The following COL19A1 variants were observed in gnomAD, a reference collection of about 807,000 sequenced individuals.
COL19A1 encodes collagen type XIX alpha 1 chain.
In COL19A1, 159 loss-of-function variants were observed where a neutral mutation model predicts 190.2. That is an observed-to-expected ratio of 0.84 (90% CI 0.73 to 0.95). The LOEUF (loss-of-function observed/expected upper bound fraction) is 0.95, where lower values mean the gene tolerates loss of function less well. Ranked by LOEUF, COL19A1 falls within the 40% of genes least tolerant of loss-of-function variation. The pLI is 0.00. For missense variants in COL19A1, 1,418 were observed against 1,431.9 expected (o/e 0.99, Z 0.16); for synonymous variants, 509 against 458.9 (o/e 1.11, Z -1.39).
At chr6:69,993,689 T>C (rs1473133867) in intron 11 of COL19A1, among the ~76,000 whole-genome samples, 1 of 151,956 alleles carries the variant, frequency 6.6e-6, no homozygotes, top group Non-Finnish European at 1.5e-5. Context: ...TCTTGGGAGG[T>C]TGTCTGTTTC....
chr6:69,913,550 A>G lies in COL19A1; in HGVS notation c.266+13212A>G, dbSNP rs553674926. On this transcript the variant is annotated intron_variant, in intron 4 of 50. Transcript: ENST00000620364. ...AAGTGTGAATTTACCAGGTGAGCCA[A>G]GGGGTCAATGTATGTTGTGGTAGTT... 1.1e-4 allele frequency among the ~76,000 whole-genome samples: 17 copies of G among 152,326 alleles called. 1 individual carries two copies. In the South Asian group the frequency reaches 3.3e-3, roughly 30 times the overall value.
intron 35 of COL19A1, 129 bp from the exon 36 acceptor site, chr6:70,163,207 GAAACATA>G (rs1478366786): frequency 1.3e-6 from 1 of 752,890 alleles, no homozygotes; most frequent in Non-Finnish European, 2.2e-6. Context: ...TCAGCCAGAA[GAAACATA>G]AGCTTCTAGG....
intron 9 of COL19A1, among the ~76,000 whole-genome samples, chr6:69,954,303 A>G (rs117298045): frequency 0.02 from 3,070 of 152,082 alleles, 49 homozygotes; most frequent in Non-Finnish European, 0.03. Flanking sequence ...GAGTAGAAGG[A>G]CTTGGGGTCT....
chr6:70,211,444 A>C lies in COL19A1; in HGVS notation c.*4170A>C, dbSNP rs1171444915. ...TCGCAGTTTCCCAGCGTTATTTCTT[A>C]ATACTTGAGTGTTGACACATTTTTG... On this transcript the variant is annotated 3_prime_UTR_variant, in exon 51 of 51. Coordinates refer to ENST00000620364, the MANE Select transcript of COL19A1 (RefSeq NM_001858.6). 6.6e-6 allele frequency among the ~76,000 whole-genome samples: 1 copy of C among 151,488 alleles called. No individual in the cohort carries two copies. Among genetic ancestry groups the C allele is most frequent in the African/African-American group, 2.4e-5 (1 of 41,164 alleles).
chr6:70,152,514 A>G (rs1205701832), intron 31 of COL19A1, among the ~76,000 whole-genome samples: 1 of 152,154 alleles, frequency 6.6e-6, no homozygotes, highest in African/African-American at 2.4e-5. Context: ...TATAAGCCAG[A>G]GAAGAATATT....
At chr6:69,962,372 T>A (rs1774855442) in intron 10 of COL19A1, among the ~76,000 whole-genome samples, 1 of 152,188 alleles carries the variant, frequency 6.6e-6, no homozygotes, top group African/African-American at 2.4e-5. Flanking sequence ...CTGAACTCAT[T>A]CATCATAAGA....
intron 37 of COL19A1, among the ~76,000 whole-genome samples, chr6:70,166,206 CCATCTTGGATTT>C (rs1765144857): frequency 6.6e-6 from 1 of 152,122 alleles, no homozygotes; most frequent in Non-Finnish European, 1.5e-5. Context: ...GCGGGTCTCC[CCATCTTGGATTT>C]AGGAATCTGG....
chr6:70,109,283 A>G (rs1420009499), intron 16 of COL19A1, among the ~76,000 whole-genome samples: 1 of 152,144 alleles, frequency 6.6e-6, no homozygotes, highest in Non-Finnish European at 1.5e-5. Context: ...ACATTCCTTG[A>G]GAAGGAGCTG....
intron 44 of COL19A1, 126 bp downstream of exon 44, chr6:70,180,649 G>C: frequency 1.0e-6 from 1 of 980,140 alleles, no homozygotes; most frequent in South Asian, 1.5e-5. Flanking sequence ...AGAATGCACA[G>C]ATGGATTTTT....
At position 70,150,041 on chromosome 6, in the gene COL19A1, A is replaced by G; in HGVS notation, c.2033A>G (p.Asp678Gly). 6.2e-7 allele frequency: 1 copy of G among 1,613,670 alleles called. No homozygotes were observed. The highest frequency in any genetic ancestry group is 8.5e-7 in the Non-Finnish European group (1 of 1,179,806). Reference protein sequence around the residue: ...GKPGLPGPPGDPIALPLLGDI... With the variant: ...GKPGLPGPPGGPIALPLLGDI... ...CCAGGCCTGCCAGGCCCCCCAGGTG[A>G]CCCGGTATGTAGACAAACCTTGTCT... Residue 678 changes from aspartate to glycine, a missense_variant, in exon 30 of 51, where the codon GAC (aspartate) becomes GGC (glycine). Physicochemically the swap from Asp to Gly is moderately conservative, Grantham distance 94 (BLOSUM62 -1). Coordinates refer to ENST00000620364, the MANE Select transcript of COL19A1 (RefSeq NM_001858.6).
chr6:70,103,484 C>T (rs1362086152), intron 16 of COL19A1, among the ~76,000 whole-genome samples: 1 of 152,046 alleles, frequency 6.6e-6, no homozygotes, highest in Non-Finnish European at 1.5e-5. Context: ...CTTTTTTCTT[C>T]AAGAAAGATG....
intron 29 of COL19A1, 38 bp downstream of exon 29, chr6:70,149,942 C>G: frequency 6.2e-7 from 1 of 1,613,494 alleles, no homozygotes; most frequent in Non-Finnish European, 8.5e-7. Context: ...CCATTTTAAT[C>G]TGCACCTGTG....
intron 2 of COL19A1, among the ~76,000 whole-genome samples, chr6:69,886,003 C>T (rs945543994): frequency 6.6e-6 from 1 of 152,120 alleles, no homozygotes; most frequent in African/African-American, 2.4e-5. Context: ...CAAACTAAAA[C>T]ACTTATACAC....
intron 35 of COL19A1, among the ~76,000 whole-genome samples, chr6:70,162,779 C>G (rs1475869074): frequency 6.6e-6 from 1 of 152,098 alleles, no homozygotes; most frequent in African/African-American, 2.4e-5. Context: ...AAAGTTGTGT[C>G]ATTTATGCTT....
intron 9 of COL19A1, among the ~76,000 whole-genome samples, chr6:69,942,100 A>G (rs1326053704): frequency 6.6e-6 from 1 of 152,220 alleles, no homozygotes; most frequent in East Asian, 1.9e-4. Context: ...ACTGTATAAT[A>G]TTAGTCTTTT....
intron 4 of COL19A1, among the ~76,000 whole-genome samples, chr6:69,904,463 G>C (rs986500042): frequency 6.6e-6 from 1 of 152,152 alleles, no homozygotes; most frequent in African/African-American, 2.4e-5. Context: ...CAGCCTCCTT[G>C]TCCCAAAGAC....
intron 16 of COL19A1, among the ~76,000 whole-genome samples, chr6:70,109,011 T>C (rs1784129885): frequency 6.6e-6 from 1 of 152,152 alleles, no homozygotes; most frequent in Non-Finnish European, 1.5e-5. Flanking sequence ...ATTACAAACA[T>C]TGAATATACA....
chr6:69,932,087 T>C (rs999197119), intron 6 of COL19A1, among the ~76,000 whole-genome samples: 8 of 152,144 alleles, frequency 5.3e-5, no homozygotes, highest in Non-Finnish European at 8.8e-5. Context: ...CTATTTACTT[T>C]TTCTTAGGTG....
At chr6:70,056,573 A>G (rs1780516536) in intron 14 of COL19A1, among the ~76,000 whole-genome samples, 1 of 152,130 alleles carries the variant, frequency 6.6e-6, no homozygotes, top group Non-Finnish European at 1.5e-5. Flanking sequence ...GAGCATCTCT[A>G]TGTAGTGATG....
Sources: allele counts gnomAD v4.1 joint callset (sites outside exome capture counted in the v4.1 genomes callset), GRCh38; gene constraint gnomAD v4.1.1; transcripts MANE v1.5; gene names NCBI Gene and HGNC (gene_info 2026-07-23, HGNC 2026-07-21).